The following PRRG4 variants were observed in gnomAD, a reference collection of about 807,000 sequenced individuals.
PRRG4 encodes the protein proline rich and Gla domain 4.
A neutral mutation model predicts 20.0 loss-of-function variants in PRRG4; 12 were observed. The ratio of observed to expected loss-of-function variants is 0.60; its 90% CI spans 0.38 to 0.97. PRRG4 has a LOEUF of 0.97. Among genes scored for constraint, PRRG4 ranks in the 50% least tolerant of loss-of-function variants. The pLI, the probability that PRRG4 is intolerant of heterozygous loss-of-function variation, is 0.00. For synonymous variants in PRRG4, 94 were observed against 96.4 expected (o/e 0.98, Z 0.15); for missense variants, 199 against 265.1 (o/e 0.75, Z 1.73).
At chr11:32,837,529 GATGATGATGATGATT>G (rs1478299717) in intron 3 of PRRG4, among the ~76,000 whole-genome samples, 349 of 113,028 alleles carry the variant, frequency 3.1e-3, no homozygotes, top group Middle Eastern at 0.02. Context: ...TGATGATGAT[GATGATGATGATGATT>G]ATTATTATTA....
chr11:32,836,666 T>C lies in PRRG4; in HGVS notation c.112T>C (p.Ser38Pro). ...TTTCATTACTTTATTAGTGTTTACA[T>C]CAAAAGAAGAAGCAAACTTTTTCAT... ...SKHAGEEVFT[S>P]KEEANFFIHR... Residue 38 changes from serine (S) to proline (P), a missense_variant, in exon 3 of 6, where the codon TCA (serine) becomes CCA (proline). Transcript: ENST00000257836. The C allele has an allele frequency of 6.4e-7, 1 of 1,566,022 alleles. No individual in the cohort carries two copies. Among genetic ancestry groups the C allele is most frequent in the South Asian group, 1.1e-5 (1 of 88,066 alleles).
intron 2 of PRRG4, among the ~76,000 whole-genome samples, chr11:32,835,025 G>A (rs553363225): frequency 6.6e-6 from 1 of 152,202 alleles, no homozygotes; most frequent in East Asian, 1.9e-4. Context: ...TGTTGCCCAG[G>A]CTGGTCTCCA....
chr11:32,847,781 A>G (rs1402096461), intron 5 of PRRG4, among the ~76,000 whole-genome samples: 1 of 152,246 alleles, frequency 6.6e-6, no homozygotes, highest in African/African-American at 2.4e-5. Flanking sequence ...ATATCCATGC[A>G]ATGAAATATT....
chr11:32,840,100 T>C lies in PRRG4; in HGVS notation c.317-7T>C. On this transcript the variant is annotated splice_region_variant and splice_polypyrimidine_tract_variant and intron_variant, in intron 4 of 5. Transcript: ENST00000257836. The surrounding 1 kb of genome is among the most constrained non-coding windows in gnomAD (Gnocchi z 4.1). ...ATATTTATGTTATTTTAATGATTTATTTTAAGATGGCAACAGAGAGAAAAT... is the reference window on the plus strand; with the variant it reads ...ATATTTATGTTATTTTAATGATTTACTTTAAGATGGCAACAGAGAGAAAAT... 6.3e-7 allele frequency: 1 copy of C among 1,586,898 alleles called. No homozygotes were observed. The highest frequency in any genetic ancestry group is 8.6e-7 in the Non-Finnish European group (1 of 1,156,698).
intron 5 of PRRG4, among the ~76,000 whole-genome samples, chr11:32,841,268 C>A (rs950589875): frequency 6.6e-6 from 1 of 152,056 alleles, no homozygotes; most frequent in African/African-American, 2.4e-5. Context: ...AGAAAGTATT[C>A]TTTATCATAT....
In PRRG4 at chr11:32,853,761, G is replaced by A. The variant is rs1405903975; in HGVS notation, c.*234G>A. 2 of 450,452 alleles carry A rather than the reference G, an allele frequency of 4.4e-6. No individual in the cohort carries two copies. The highest frequency in any genetic ancestry group is 8.1e-6 in the Non-Finnish European group (2 of 245,558). The allele number at this position is 450,452 out of a possible 1,614,324, so 27.9% of individuals were successfully genotyped here. ...GAGAATTGCTCGAACCTGGGAGGCA[G>A]AGGTTGCAGTAAGCTGAGATCACGC... is the stretch of plus-strand genomic sequence containing the variant. On this transcript the variant is annotated 3_prime_UTR_variant, in exon 6 of 6. Coordinates refer to ENST00000257836, the MANE Select transcript of PRRG4 (RefSeq NM_024081.6).
chr11:32,835,095 T>A (rs540659924), intron 2 of PRRG4, among the ~76,000 whole-genome samples: 1 of 152,214 alleles, frequency 6.6e-6, no homozygotes, highest in Admixed American at 6.5e-5. Flanking sequence ...CATGAGCCAC[T>A]ACTCCCAGCC....
rs1851238363 is a variant in PRRG4, at chr11:32,857,747, T to G, written c.*4220T>G. On this transcript the variant is annotated 3_prime_UTR_variant, in exon 6 of 6. Transcript: ENST00000257836. ...ATTAAATTTTTATTAGTTATTTGAT[T>G]TGGAATGTTATGTATGCCATTAACA... is the stretch of plus-strand genomic sequence containing the variant. 1 of 152,218 alleles carries G rather than the reference T, an allele frequency of 6.6e-6. No homozygotes were observed. 9.4% of individuals were successfully genotyped at this position (152,218 alleles called of 1,614,324 possible). A position where few individuals can be genotyped will look rare whatever the true frequency, so the allele number is the denominator to read the frequency against.
At chr11:32,837,631 C>T (rs995333275) in intron 3 of PRRG4, among the ~76,000 whole-genome samples, 2 of 150,716 alleles carry the variant, frequency 1.3e-5, no homozygotes, top group African/African-American at 2.4e-5. Flanking sequence ...AATCTCGGCT[C>T]ACTGCAACCT....
chr11:32,842,578 G>A (rs1175352016), intron 5 of PRRG4, among the ~76,000 whole-genome samples: 1 of 151,962 alleles, frequency 6.6e-6, no homozygotes, highest in East Asian at 2.0e-4. Flanking sequence ...AAATTAGCCA[G>A]GCGTGGTGGC....
chr11:32,831,903 C>G (rs1176653610), intron 2 of PRRG4, among the ~76,000 whole-genome samples: 1 of 152,062 alleles, frequency 6.6e-6, no homozygotes, highest in African/African-American at 2.4e-5. Flanking sequence ...TGCCTATAAT[C>G]CCAGCTACCC....
At chr11:32,850,727 A>G (rs2419772) in intron 5 of PRRG4, among the ~76,000 whole-genome samples, 136,229 of 152,264 alleles carry the variant, frequency 0.89, 61,226 homozygotes, top group East Asian at 0.99. Flanking sequence ...AAAGAAAAGA[A>G]TAAAAAATAA....
Position 32,830,489 on chromosome 11 carries a change from T to C in PRRG4, c.-22-19T>C. ...GCTAGGGGCCTTTTTTTTTTAATAT[T>C]TTTTTTTGTTTGTTTTAGTTTGTTT... On this transcript the variant is annotated intron_variant, in intron 1 of 5. Transcript: ENST00000257836. 6.9e-7 allele frequency: 1 copy of C among 1,439,850 alleles called. No individual in the cohort carries two copies. The highest frequency in any genetic ancestry group is 2.5e-5 in the East Asian group (1 of 39,888). 89.2% of individuals were successfully genotyped at this position (1,439,850 alleles called of 1,614,324 possible).
chr11:32,852,399 T>G (rs769307244), intron 5 of PRRG4, among the ~76,000 whole-genome samples: 2 of 152,152 alleles, frequency 1.3e-5, no homozygotes, highest in Non-Finnish European at 2.9e-5. Flanking sequence ...TAGGAAGGAT[T>G]GGCCAGGCAG....
chr11:32,850,962 A>G (rs1851177894), intron 5 of PRRG4, among the ~76,000 whole-genome samples: 3 of 152,318 alleles, frequency 2.0e-5, no homozygotes, highest in Admixed American at 6.5e-5. Context: ...AATCTCATCT[A>G]TTCAGGAGGC....
At chr11:32,845,663 G>C (rs1851123253) in intron 5 of PRRG4, among the ~76,000 whole-genome samples, 2 of 31,260 alleles carry the variant, frequency 6.4e-5, no homozygotes, top group Admixed American at 6.8e-4. Flanking sequence ...CTTATAAATG[G>C]CTAGGAATGT....
chr11:32,838,975 T>G (rs1472740628), intron 4 of PRRG4, 45 bp downstream of exon 4: 1 of 1,355,584 alleles, frequency 7.4e-7, no homozygotes, highest in Admixed American at 1.7e-5. Flanking sequence ...TCATCCTCTC[T>G]CTGTTGTAAT....
chr11:32,846,769 G>A (rs1851134577), intron 5 of PRRG4, among the ~76,000 whole-genome samples: 1 of 152,142 alleles, frequency 6.6e-6, no homozygotes, highest in Non-Finnish European at 1.5e-5. Context: ...GGAGGCCGAG[G>A]CAGGCGGATC....
chr11:32,847,998 A>G (rs1851146351), intron 5 of PRRG4, among the ~76,000 whole-genome samples: 1 of 152,298 alleles, frequency 6.6e-6, no homozygotes, highest in South Asian at 2.1e-4. Context: ...GGCTGGGAGG[A>G]TAGGGATGTC....
Sources: allele counts gnomAD v4.1 joint callset (sites outside exome capture counted in the v4.1 genomes callset), GRCh38; gene constraint gnomAD v4.1.1; non-coding constraint Gnocchi (gnomAD v3.1); transcripts MANE v1.5; gene names NCBI Gene and HGNC (gene_info 2026-07-23, HGNC 2026-07-21).